Variants in SSR2 observed in about 807,000 individuals in gnomAD.
The protein encoded by SSR2 is signal sequence receptor subunit 2.
In SSR2, 16 loss-of-function variants were observed where a neutral mutation model predicts 22.6. The observed-to-expected ratio is 0.71, with a 90% CI of 0.48 to 1.08. SSR2 has a LOEUF of 1.08. Ranked by LOEUF, SSR2 falls within the 50% of genes least tolerant of loss-of-function variation. The probability of loss-of-function intolerance (pLI) is 0.00; values close to 1 mark genes in which losing one functional copy is unlikely to be tolerated. For missense variants in SSR2, 171 were observed against 221.6 expected, an observed-to-expected ratio of 0.77 and a Z score of 1.45; for synonymous variants, 83 against 91.2, an observed-to-expected ratio of 0.91 and a Z score of 0.51.
chr1:156,011,462 A>G (rs182199284), intron 5 of SSR2: 1 of 172,866 alleles, frequency 5.8e-6, no homozygotes, highest in Admixed American at 5.8e-5. Flanking sequence ...AGACTAGACC[A>G]CAGTAAAGTT....
intron 5 of SSR2, chr1:156,011,538 C>CA (rs34656654): frequency 4.2e-6 from 1 of 238,742 alleles, no homozygotes; most frequent in Admixed American, 5.1e-5. Context: ...TTTTAAACCT[C>CA]AAAATAGACC....
intron 1 of SSR2, chr1:156,020,495 C>A (rs1683131903): frequency 3.2e-6 from 1 of 310,492 alleles, no homozygotes; most frequent in Admixed American, 4.4e-5. Context: ...TGATTTCGGC[C>A]GATCTCGGAC....
intron 3 of SSR2, among the ~76,000 whole-genome samples, chr1:156,017,402 T>A (rs1230818948): frequency 1.3e-5 from 2 of 152,192 alleles, no homozygotes; most frequent in Admixed American, 1.3e-4. Flanking sequence ...CAGGCTAGAG[T>A]GCAGTGGCGC....
At chr1:156,019,197 A>AAT (rs1683108747) in intron 2 of SSR2, 1 of 443,870 alleles carries the variant, frequency 2.3e-6, no homozygotes. Context: ...AGAAGCACCA[A>AAT]AATAATCAAG....
intron 3 of SSR2, among the ~76,000 whole-genome samples, chr1:156,017,739 GTTTTTTTTTTTTTTT>G (rs757236241): frequency 6.5e-5 from 4 of 61,886 alleles, no homozygotes; most frequent in Non-Finnish European, 1.1e-4. Context: ...TATGTTTCAG[GTTTTTTTTTTTTTTT>G]TTTTTTTTTT....
intron 3 of SSR2, among the ~76,000 whole-genome samples, chr1:156,015,787 C>G (rs1384097772): frequency 6.6e-6 from 1 of 151,236 alleles, no homozygotes; most frequent in Non-Finnish European, 1.5e-5. Flanking sequence ...TTTTAAGGGT[C>G]CCATGTTATA....
chr1:156,012,660 CAATG>C (rs1442057768), intron 4 of SSR2: 1 of 447,888 alleles, frequency 2.2e-6, no homozygotes, highest in African/African-American at 2.0e-5. Context: ...GCAGAAGGTG[CAATG>C]AATGTTAGTT....
intron 5 of SSR2, 105 bp from the exon 6 acceptor site, chr1:156,009,755 T>A (rs1052896632): frequency 2.8e-6 from 2 of 706,446 alleles, no homozygotes; most frequent in African/African-American, 1.9e-5. Context: ...AGCCCAAATT[T>A]ATTTATTTTT....
intron 1 of SSR2, chr1:156,020,555 C>T (rs1683133036): frequency 3.3e-6 from 1 of 302,262 alleles, no homozygotes; most frequent in Non-Finnish European, 6.6e-6. Flanking sequence ...ACAGCCTTCC[C>T]GCTGCTCCCC....
chr1:156,016,207 A>C (rs1466350946), intron 3 of SSR2, among the ~76,000 whole-genome samples: 2 of 152,036 alleles, frequency 1.3e-5, no homozygotes, highest in African/African-American at 4.8e-5. Flanking sequence ...ATTAAAAGAA[A>C]TTATAGTCAC....
intron 3 of SSR2, among the ~76,000 whole-genome samples, chr1:156,016,764 C>A (rs1413809297): frequency 6.6e-6 from 1 of 152,118 alleles, no homozygotes; most frequent in Non-Finnish European, 1.5e-5. Context: ...GGAATTGGAT[C>A]ATGGGGGCAG....
chr1:156,015,244 G>A (rs753780338), intron 3 of SSR2, among the ~76,000 whole-genome samples, 175 bp from the exon 4 acceptor site: 6 of 151,918 alleles, frequency 3.9e-5, no homozygotes, highest in Non-Finnish European at 7.4e-5. Flanking sequence ...GGTGGCTCAC[G>A]CCTGTAATCC....
rs1683124724 is a variant in SSR2, at chr1:156,020,076, T to C, written c.92A>G (p.Asn31Ser). 6.2e-7 allele frequency: 1 copy of C among 1,614,190 alleles called. No individual in the cohort carries two copies. Among genetic ancestry groups the C allele is most frequent in the Non-Finnish European group, 8.5e-7 (1 of 1,180,028 alleles). ...GTCTCGTCCCTCCACGGCGTATCTGTTCAGCAGTGATTTGGAAGCCAAAAG... is the reference window on the plus strand; with the variant it reads ...GTCTCGTCCCTCCACGGCGTATCTGCTCAGCAGTGATTTGGAAGCCAAAAG... ...ARLLASKSLL[N>S]RYAVEGRDLT... is the part of the protein sequence containing the mutation. The change falls in exon 2 of 6, where the codon AAC becomes AGC. Residue 31 changes from asparagine to serine, a missense_variant. Coordinates refer to ENST00000295702, the MANE Select transcript of SSR2 (RefSeq NM_003145.4).
chr1:156,017,041 A>C (rs905544321), intron 3 of SSR2, among the ~76,000 whole-genome samples: 3 of 152,214 alleles, frequency 2.0e-5, no homozygotes, highest in Non-Finnish European at 2.9e-5. Flanking sequence ...ACAGATTAAT[A>C]AAATACAATT....
intron 1 of SSR2, chr1:156,020,532 C>G (rs1572259934): frequency 3.2e-6 from 1 of 308,100 alleles, no homozygotes; most frequent in East Asian, 8.4e-5. Flanking sequence ...CTTTCCCTCA[C>G]ACAGGAGTGC....
chr1:156,009,781 T>G (rs969605705), intron 5 of SSR2, 131 bp from the exon 6 acceptor site: 3 of 458,416 alleles, frequency 6.5e-6, no homozygotes, highest in Non-Finnish European at 1.1e-5. Flanking sequence ...AAAGTCTTAG[T>G]TTTTTTTTTT....
chr1:156,017,019 A>C (rs1161332000), intron 3 of SSR2, among the ~76,000 whole-genome samples: 1 of 152,172 alleles, frequency 6.6e-6, no homozygotes, highest in African/African-American at 2.4e-5. Context: ...TATTCTTCAT[A>C]GCAACTTGAG....
chr1:156,019,962 AC>A (rs1200022998), intron 2 of SSR2, 50 bp downstream of exon 2: 2 of 1,581,796 alleles, frequency 1.3e-6, no homozygotes, highest in African/African-American at 1.4e-5. Context: ...CCATCTGAAA[AC>A]TAAGAATCCA....
At chr1:156,012,965 T>G (rs1682999803) in intron 4 of SSR2, 1 of 124,786 alleles carries the variant, frequency 8.0e-6, no homozygotes. Context: ...AAAAGAAATC[T>G]AAGACAGTTA....
Sources: gnomAD v4.1 joint callset for allele counts (sites outside exome capture counted in the v4.1 genomes callset) on GRCh38, gnomAD v4.1.1 for gene constraint, MANE v1.5 for transcripts, NCBI Gene and HGNC (gene_info 2026-07-23, HGNC 2026-07-21) for gene names.